Variants in PARD6G observed in about 807,000 individuals in gnomAD.
PARD6G encodes the protein par-6 family cell polarity regulator gamma, also known as partitioning defective 6 homolog gamma.
Under a neutral mutation model 10.7 loss-of-function variants are expected in PARD6G, and 7 were observed. That is an observed-to-expected ratio of 0.66 (90% confidence interval 0.37 to 1.23). The LOEUF is 1.23. PARD6G is among the 50% of genes most tolerant of loss of function. The pLI is 0.02. For missense variants in PARD6G, 548 were observed against 571.8 expected, an observed-to-expected ratio of 0.96 and a Z score of 0.42; for synonymous variants, 287 against 269.4, an observed-to-expected ratio of 1.07 and a Z score of -0.64.
intron 1 of PARD6G, among the ~76,000 whole-genome samples, chr18:80,221,495 A>C (rs773571893): frequency 7.2e-5 from 11 of 152,232 alleles, no homozygotes; most frequent in Non-Finnish European, 1.6e-4. Context: ...ATTTGACAAA[A>C]TCTAACACTC....
intron 2 of PARD6G, among the ~76,000 whole-genome samples, chr18:80,194,567 C>T (rs968695181): frequency 1.3e-5 from 2 of 152,084 alleles, no homozygotes; most frequent in Admixed American, 1.3e-4. Context: ...TAAACGTCAA[C>T]GTGCATGAGC....
intron 1 of PARD6G, among the ~76,000 whole-genome samples, chr18:80,240,797 AG>A (rs1435922901): frequency 2.6e-5 from 4 of 152,184 alleles, no homozygotes; most frequent in Non-Finnish European, 5.9e-5. Flanking sequence ...AGGAGACGTG[AG>A]GCTGTGGATC....
At chr18:80,245,753 C>T (rs1284846663) in intron 1 of PARD6G, among the ~76,000 whole-genome samples, 1 of 152,142 alleles carries the variant, frequency 6.6e-6, no homozygotes, top group African/African-American at 2.4e-5. Context: ...AGAAACCTCC[C>T]GCCCATGCTT....
chr18:80,245,619 C>T (rs535471596), intron 1 of PARD6G, among the ~76,000 whole-genome samples: 12 of 152,250 alleles, frequency 7.9e-5, no homozygotes, highest in African/African-American at 2.9e-4. Context: ...TATTCTCTCA[C>T]AGCTACTTGT....
intron 1 of PARD6G, among the ~76,000 whole-genome samples, chr18:80,240,531 C>T (rs1599879806): frequency 6.6e-6 from 1 of 152,100 alleles, no homozygotes; most frequent in South Asian, 2.1e-4. Context: ...CATTGAGAAA[C>T]GCAGCTAGGG....
At position 80,184,234 on chromosome 18, in the gene PARD6G, C is replaced by T. The variant is rs998154743; in HGVS notation, c.295+18476G>A. On this transcript the variant is annotated intron_variant, in intron 2 of 2. Coordinates refer to ENST00000353265, the MANE Select transcript of PARD6G (RefSeq NM_032510.4). This position sits in a 1 kb window ranked among gnomAD's most constrained non-coding sequence, Gnocchi z 4.5. Reference sequence around the variant, plus strand: ...GGGTGTCCGCTCTTATTCCTTTCAGCCTCGGCACTGATGGTCCTAGGGCAA... The same window carrying T: ...GGGTGTCCGCTCTTATTCCTTTCAGTCTCGGCACTGATGGTCCTAGGGCAA... 1 of 152,230 alleles carries T rather than the reference C, an allele frequency of 6.6e-6. No homozygotes were observed. Among genetic ancestry groups the T allele is most frequent in the African/African-American group, 2.4e-5 (1 of 41,452 alleles). 9.4% of individuals were successfully genotyped at this position (152,230 alleles called of 1,614,324 possible).
chr18:80,193,364 C>T (rs1225401428), intron 2 of PARD6G, among the ~76,000 whole-genome samples: 1 of 152,208 alleles, frequency 6.6e-6, no homozygotes, highest in East Asian at 1.9e-4. Context: ...TGTAATCCCT[C>T]ACCCTTTGAT....
intron 1 of PARD6G, among the ~76,000 whole-genome samples, chr18:80,235,668 G>A (rs1394866994): frequency 6.6e-6 from 1 of 151,994 alleles, no homozygotes; most frequent in Admixed American, 6.6e-5. Flanking sequence ...AATGATAAAG[G>A]GAATATCGCC....
At position 80,201,319 on chromosome 18, in the gene PARD6G, AG is replaced by A. The variant is rs1967005139; in HGVS notation, c.295+1390del. Among the ~76,000 whole-genome samples the A allele has an allele frequency of 6.6e-6, 1 of 152,340 alleles. No individual in the cohort carries two copies. Among genetic ancestry groups the A allele is most frequent in the South Asian group, 2.1e-4 (1 of 4,830 alleles). On this transcript the variant is annotated intron_variant, in intron 2 of 2. Coordinates refer to ENST00000353265, the MANE Select transcript of PARD6G (RefSeq NM_032510.4). The surrounding 1 kb of genome is among the most constrained non-coding windows in gnomAD (Gnocchi z 5.9). ...TTCCAGGGCAGGGGGCAGGGGGCAC[AG>A]GCCTCCATTCCAGGACCAGCCAAGC...
At chr18:80,209,017 T>C (rs1222229520) in intron 1 of PARD6G, among the ~76,000 whole-genome samples, 9 of 152,040 alleles carry the variant, frequency 5.9e-5, no homozygotes, top group Admixed American at 5.9e-4. Context: ...GGAGAACTGC[T>C]TGAACATAGG....
chr18:80,173,372 C>A (rs546694092), intron 2 of PARD6G, among the ~76,000 whole-genome samples: 40 of 152,246 alleles, frequency 2.6e-4, no homozygotes, highest in Non-Finnish European at 2.8e-4. Context: ...CGTCTGTAAT[C>A]CCAGAACTTT....
At position 80,180,306 on chromosome 18, in the gene PARD6G, G is replaced by A. The variant is rs1277681495; in HGVS notation, c.296-19700C>T. Among the ~76,000 whole-genome samples, 1 of 152,226 alleles carries A rather than the reference G, an allele frequency of 6.6e-6. No homozygotes were observed. Among genetic ancestry groups the A allele is most frequent in the African/African-American group, 2.4e-5 (1 of 41,466 alleles). On this transcript the variant is annotated intron_variant, in intron 2 of 2. Transcript: ENST00000353265. This position sits in a 1 kb window ranked among gnomAD's most constrained non-coding sequence, Gnocchi z 5.6. ...TGGGAAGTTCCTGTCAGGAGAGGCA[G>A]GCAGGGCGTGGGCAGCGACAGCTGG...
rs1390650243 is a variant in PARD6G, at chr18:80,246,794, G to A, written c.72+483C>T. 6.6e-6 allele frequency among the ~76,000 whole-genome samples: 1 copy of A among 152,118 alleles called. No homozygotes were observed. The highest frequency in any genetic ancestry group is 1.9e-4 in the East Asian group (1 of 5,150). On this transcript the variant is annotated intron_variant, in intron 1 of 2. Transcript: ENST00000353265. This position sits in a 1 kb window ranked among gnomAD's most constrained non-coding sequence, Gnocchi z 6.7. ...GTGGGGGACGCCGGGCTCGGAGCCG[G>A]CGGCAAGTCTCCTCCTGGCAGGTAA...
intron 1 of PARD6G, among the ~76,000 whole-genome samples, chr18:80,206,095 G>A (rs1244185365): frequency 1.3e-5 from 2 of 152,080 alleles, no homozygotes; most frequent in East Asian, 3.8e-4. Flanking sequence ...TTCTCAGTAC[G>A]TTCAATAATT....
At chr18:80,241,219 T>G (rs1335814521) in intron 1 of PARD6G, among the ~76,000 whole-genome samples, 4 of 152,204 alleles carry the variant, frequency 2.6e-5, no homozygotes, top group Admixed American at 2.6e-4. Flanking sequence ...ATTTCATGGC[T>G]TATTGGATCC....
At chr18:80,217,647 A>G (rs77986029) in intron 1 of PARD6G, among the ~76,000 whole-genome samples, 3,908 of 152,292 alleles carry the variant, frequency 0.026, 159 homozygotes, top group African/African-American at 0.089. Context: ...GGGACATTCT[A>G]CAAAATGTCT....
At chr18:80,239,978 A>G (rs1967471786) in intron 1 of PARD6G, among the ~76,000 whole-genome samples, 1 of 152,222 alleles carries the variant, frequency 6.6e-6, no homozygotes, top group Admixed American at 6.5e-5. Flanking sequence ...GAGAGCCGGC[A>G]TGTGCAGAGA....
chr18:80,200,867 C>T lies in PARD6G; in HGVS notation c.295+1843G>A, dbSNP rs376532942. On this transcript the variant is annotated intron_variant, in intron 2 of 2. Transcript: ENST00000353265. This position sits in a 1 kb window ranked among gnomAD's most constrained non-coding sequence, Gnocchi z 4.4. ...GCATCCCCAGTAGAGGGTGCCAAGA[C>T]GCCTGGGGCCCACCTCCAAAGGGCA... 7.9e-5 allele frequency among the ~76,000 whole-genome samples: 12 copies of T among 152,312 alleles called. 1 individual carries two copies. The highest frequency in any genetic ancestry group is 6.8e-3 in the Middle Eastern group (2 of 294).
intron 2 of PARD6G, among the ~76,000 whole-genome samples, chr18:80,177,476 T>G (rs889727545): frequency 2.5e-5 from 3 of 119,290 alleles, no homozygotes; most frequent in Non-Finnish European, 3.4e-5. Flanking sequence ...CACACACACA[T>G]GCACAGGGGA....
Sources: allele counts gnomAD v4.1 joint callset (sites outside exome capture counted in the v4.1 genomes callset), GRCh38; gene constraint gnomAD v4.1.1; non-coding constraint Gnocchi (gnomAD v3.1); transcripts MANE v1.5; gene names NCBI Gene and HGNC (gene_info 2026-07-23, HGNC 2026-07-21).